Variants in DSP observed in about 807,000 individuals in gnomAD.
DSP encodes desmoplakin.
DSP carries 114 observed loss-of-function variants against 290.6 expected under a neutral mutation model. The observed-to-expected ratio is 0.39, with a 90% CI of 0.34 to 0.46. DSP has a LOEUF of 0.46. DSP is among the 20% of genes least tolerant of loss of function. The probability of loss-of-function intolerance (pLI) is 0.99; values close to 1 mark genes in which losing one functional copy is unlikely to be tolerated. For missense variants in DSP, 3,230 were observed against 3,495.8 expected, an observed-to-expected ratio of 0.92 and a Z score of 1.92; for synonymous variants, 1,311 against 1,316.4, an observed-to-expected ratio of 1.00 and a Z score of 0.09.
chr6:7,574,100 T>C lies in DSP; in HGVS notation c.2145T>C (p.Asp715=), dbSNP rs1287658666. ...KINELKSVQN[D]SQAIAEVLNQ... ...ATTTTTGACAGAGTGTGCAGAATGATTCACAAGCAATTGCTGAGGTTCTCA... is the reference window on the plus strand; with the variant it reads ...ATTTTTGACAGAGTGTGCAGAATGACTCACAAGCAATTGCTGAGGTTCTCA... The change falls in exon 16 of 24, where the codon GAT becomes GAC. Residue 715 remains aspartate (D), a synonymous_variant. Transcript: ENST00000379802. 1.9e-6 allele frequency: 3 copies of C among 1,614,000 alleles called. No individual in the cohort carries two copies. The highest frequency in any genetic ancestry group is 1.1e-5 in the South Asian group (1 of 91,086).
In DSP at chr6:7,564,827, A is replaced by G. The variant is rs548292871; in HGVS notation, c.778-532A>G. ...CAACTATATCAGTAAAAAATACCAA[A>G]AAAAGACCTTATTTAGAAGAATAAA... is the stretch of plus-strand genomic sequence containing the variant. On this transcript the variant is annotated intron_variant, in intron 6 of 23. Transcript: ENST00000379802. Among the ~76,000 whole-genome samples the G allele has an allele frequency of 4.6e-5, 7 of 152,266 alleles. No homozygotes were observed. In the South Asian group the frequency reaches 1.4e-3, roughly 32 times the overall value.
chr6:7,557,376 T>C (rs534205828), intron 2 of DSP, among the ~76,000 whole-genome samples: 1 of 152,296 alleles, frequency 6.6e-6, no homozygotes, highest in Non-Finnish European at 1.5e-5. Context: ...GCAGAAGCCT[T>C]CTTTTTAAGA....
rs1759415517 is a variant in DSP at position 7,580,943 on chromosome 6, T to A, written c.4753T>A (p.Ser1585Thr). ...EELNRLKRTA[S>T]EDSCKRKKLE... ...GCTGAATCGGCTGAAGAGGACCGCG[T>A]CAGAAGACTCCTGCAAGAGGAAGAA... The change falls in exon 23 of 24, where the codon TCA becomes ACA. Residue 1585 changes from serine (S) to threonine (T), a missense_variant. Coordinates refer to ENST00000379802, the MANE Select transcript of DSP (RefSeq NM_004415.4). This position sits in a 1 kb window ranked among gnomAD's most constrained non-coding sequence, Gnocchi z 4.2. 1 of 1,613,814 alleles carries A rather than the reference T, an allele frequency of 6.2e-7. No individual in the cohort carries two copies.
chr6:7,565,300 A>C lies in DSP; in HGVS notation c.778-59A>C. ...CCACAGGTTTAATCTTTAAACCTGC[A>C]GAGAACACCAGTCACTGCATATTGT... On this transcript the variant is annotated intron_variant, in intron 6 of 23. Coordinates refer to ENST00000379802, the MANE Select transcript of DSP (RefSeq NM_004415.4). This position sits in a 1 kb window ranked among gnomAD's most constrained non-coding sequence, Gnocchi z 4.2. 6.2e-7 allele frequency: 1 copy of C among 1,601,482 alleles called. No homozygotes were observed. Among genetic ancestry groups the C allele is most frequent in the Admixed American group, 1.7e-5 (1 of 59,992 alleles).
intron 4 of DSP, 43 bp from the exon 5 acceptor site, chr6:7,562,609 G>A: frequency 6.2e-7 from 1 of 1,612,994 alleles, no homozygotes; most frequent in African/African-American, 1.3e-5. Context: ...CAGGTGCAAA[G>A]GGGCAACAAC....
Position 7,565,058 on chromosome 6 carries a change from C to T in DSP, c.778-301C>T, listed in dbSNP as rs1034665146. 2.0e-5 allele frequency among the ~76,000 whole-genome samples: 3 copies of T among 152,034 alleles called. No homozygotes were observed. The highest frequency in any genetic ancestry group is 6.5e-5 in the Admixed American group (1 of 15,268). On this transcript the variant is annotated intron_variant, in intron 6 of 23. Coordinates refer to ENST00000379802, the MANE Select transcript of DSP (RefSeq NM_004415.4). The surrounding 1 kb of genome is among the most constrained non-coding windows in gnomAD (Gnocchi z 4.2). The stretch of plus-strand genomic sequence containing the variant: ...ACTCGGGAAGCTGAGGCAGGAGAAT[C>T]GCTTAAACCCGGGAGGGGGAGGTTG...
At chr6:7,578,631 C>A in intron 22 of DSP, 69 bp downstream of exon 22, 1 of 1,204,736 alleles carries the variant, frequency 8.3e-7, no homozygotes, top group Non-Finnish European at 1.2e-6. Context: ...ATTACTTCCA[C>A]ATTATAACAT....
In DSP at chr6:7,558,161, T is replaced by C. The variant is rs1758557866; in HGVS notation, c.319T>C (p.Leu107=). 6.2e-7 allele frequency: 1 copy of C among 1,614,106 alleles called. No homozygotes were observed. Among genetic ancestry groups the C allele is most frequent in the African/African-American group, 1.3e-5 (1 of 74,920 alleles). Residue 107 remains leucine, a synonymous_variant, in exon 3 of 24, where the codon TTG becomes CTG. Transcript: ENST00000379802. ...DGIQLTRSRE[L]DECFAQANDQ... The stretch of plus-strand genomic sequence containing the variant: ...AATACAACTGACTCGGAGTCGAGAA[T>C]TGGATGAGTGTTTTGCCCAGGCCAA...
chr6:7,541,796 T>C lies in DSP; in HGVS notation c.-120T>C. On this transcript the variant is annotated 5_prime_UTR_variant, in exon 1 of 24. Coordinates refer to ENST00000379802, the MANE Select transcript of DSP (RefSeq NM_004415.4). ...GTAGCGAGCAGCGACCTCGCGAGCC[T>C]TCCGCACTCCCGCCCGGTTCCCCGG... The C allele has an allele frequency of 3.0e-6, 4 of 1,338,272 alleles. No individual in the cohort carries two copies. Among genetic ancestry groups the C allele is most frequent in the Non-Finnish European group, 4.0e-6 (4 of 1,002,906 alleles). 82.9% of individuals were successfully genotyped at this position (1,338,272 alleles called of 1,614,324 possible).
intron 19 of DSP, among the ~76,000 whole-genome samples, chr6:7,576,711 G>T (rs929998324): frequency 2.0e-5 from 3 of 152,092 alleles, no homozygotes; most frequent in Non-Finnish European, 2.9e-5. Context: ...TAAATTGAGG[G>T]GATAGGCCCA....
chr6:7,568,723 G>T, intron 11 of DSP, 134 bp downstream of exon 11: 1 of 985,026 alleles, frequency 1.0e-6, no homozygotes. Flanking sequence ...GAAATCAGCA[G>T]CTATGGAACA....
rs548305049 is a variant in DSP, at chr6:7,578,614, C to T, written c.3084+52C>T. 1.1e-5 allele frequency: 15 copies of T among 1,346,550 alleles called. No homozygotes were observed. In the African/African-American group the frequency reaches 2.0e-4, roughly 18 times the overall value. The allele number at this position is 1,346,550 out of a possible 1,614,324, so 83.4% of individuals were successfully genotyped here. ...CGTCAAAAAAGAAAATAGAATAGAA[C>T]CTTATTATTACTTCCACATTATAAC... On this transcript the variant is annotated intron_variant, in intron 22 of 23. Coordinates refer to ENST00000379802, the MANE Select transcript of DSP (RefSeq NM_004415.4).
At chr6:7,578,870 A>G (rs759423439) in intron 22 of DSP, among the ~76,000 whole-genome samples, 1 of 152,214 alleles carries the variant, frequency 6.6e-6, no homozygotes, top group African/African-American at 2.4e-5. Context: ...TGGACTAGGT[A>G]TATTTGAATT....
In DSP at chr6:7,580,396, C is replaced by G. The variant is rs1759389117; in HGVS notation, c.4206C>G (p.Asn1402Lys). The change falls in exon 23 of 24, where the codon AAC (asparagine) becomes AAG (lysine). Residue 1402 changes from asparagine (N) to lysine (K), a missense_variant. This residue lies in a region of DSP where 1,714 missense variants were observed against 1,844.5 expected (regional missense o/e 0.93). Transcript: ENST00000379802. This position sits in a 1 kb window ranked among gnomAD's most constrained non-coding sequence, Gnocchi z 4.2. ...AGATAGACAATCTCACCCGAGAAAA[C>G]AGGAGCTTATCTGAAGAAATAAAGA... Reference protein sequence around the residue: ...RAQIDNLTRENRSLSEEIKRL... With the variant: ...RAQIDNLTREKRSLSEEIKRL... 6.2e-7 allele frequency: 1 copy of G among 1,613,968 alleles called. No homozygotes were observed. Among genetic ancestry groups the G allele is most frequent in the Non-Finnish European group, 8.5e-7 (1 of 1,180,018 alleles).
In DSP at chr6:7,571,942, G is replaced by A. The variant is rs910779128; in HGVS notation, c.2004G>A (p.Met668Ile). 2 of 1,614,056 alleles carry A rather than the reference G, an allele frequency of 1.2e-6. No individual in the cohort carries two copies. The highest frequency in any genetic ancestry group is 1.7e-6 in the Non-Finnish European group (2 of 1,180,044). ...AAAATGACAAGCAAGAAACATGGAT[G>A]CTGATGGAGCTGCAGAAGATTCGCA... is the stretch of plus-strand genomic sequence containing the variant. ...NRENDKQETW[M>I]LMELQKIRRQ... The change falls in exon 15 of 24, where the codon ATG becomes ATA. Residue 668 changes from methionine to isoleucine, a missense_variant. Met to Ile is a conservative substitution (Grantham distance 10, BLOSUM62 1). This residue lies in a region of DSP where 1,714 missense variants were observed against 1,844.5 expected (regional missense o/e 0.93). Coordinates refer to ENST00000379802, the MANE Select transcript of DSP (RefSeq NM_004415.4).
rs753228677 is a variant in DSP at position 7,563,783 on chromosome 6, G to C, written c.774G>C (p.Leu258=). 1.9e-6 allele frequency: 3 copies of C among 1,613,470 alleles called. No homozygotes were observed. The highest frequency in any genetic ancestry group is 2.5e-6 in the Non-Finnish European group (3 of 1,179,396). ...IYQLEEEYEN[L]LKASFERMDH... is the part of the protein sequence containing the mutation. ...AGTTGGAGGAGGAGTATGAAAACCT[G>C]CTGGTAAGCTGATTTATTTCTCAAG... is the stretch of plus-strand genomic sequence containing the variant. Residue 258 remains leucine (L), a synonymous_variant, in exon 6 of 24, where the codon CTG becomes CTC. Transcript: ENST00000379802.
In DSP at chr6:7,577,897, C is replaced by A; in HGVS notation, c.2985+11C>A. 2 of 1,591,734 alleles carry A rather than the reference C, an allele frequency of 1.3e-6. No individual in the cohort carries two copies. The highest frequency in any genetic ancestry group is 2.2e-5 in the South Asian group (2 of 90,610). On this transcript the variant is annotated intron_variant, in intron 21 of 23. Transcript: ENST00000379802. The stretch of plus-strand genomic sequence containing the variant: ...GTGATTCTGCAAGAGGTATATATGT[C>A]ATCACATATCTCTTAAAACCTGCCC...
chr6:7,554,127 C>CACACA (rs1171658955), intron 1 of DSP, among the ~76,000 whole-genome samples: 24 of 23,982 alleles, frequency 1.0e-3, no homozygotes, highest in African/African-American at 4.6e-3. Flanking sequence ...ACACACACAC[C>CACACA]CAGTTGGTTA....
chr6:7,567,272 C>A, intron 8 of DSP, 82 bp from the exon 9 acceptor site: 1 of 1,108,086 alleles, frequency 9.0e-7, no homozygotes, highest in Non-Finnish European at 1.4e-6. Context: ...TACTAGCTTT[C>A]ATGCAGGCTC....
Sources: gnomAD v4.1 joint callset for allele counts (sites outside exome capture counted in the v4.1 genomes callset) on GRCh38, gnomAD v4.1.1 for gene constraint, gnomAD v4.1.1 regional missense constraint, Gnocchi (gnomAD v3.1) non-coding constraint, MANE v1.5 for transcripts, NCBI Gene and HGNC (gene_info 2026-07-23, HGNC 2026-07-21) for gene names.